Variants in PRDM16 observed in about 807,000 individuals in gnomAD.
PRDM16 encodes PR/SET domain 16, also known as histone-lysine N-methyltransferase PRDM16.
PRDM16 carries 23 observed loss-of-function variants against 110.6 expected under a neutral mutation model. The ratio of observed to expected loss-of-function variants is 0.21; its 90% CI spans 0.15 to 0.29. The LOEUF (loss-of-function observed/expected upper bound fraction) is 0.29, where lower values mean the gene tolerates loss of function less well. Ranked by LOEUF, PRDM16 falls within the 10% of genes least tolerant of loss-of-function variation. PRDM16 has a pLI of 1.00. For missense variants in PRDM16, 1,615 were observed against 1,794.3 expected (o/e 0.90, Z 1.81); for synonymous variants, 799 against 781.8 (o/e 1.02, Z -0.37).
Position 3,186,210 on chromosome 1 carries a change from T to C in PRDM16, c.123T>C (p.Ser41=). ...GCGCGGAGGACGAGGCCGAGGACAG[T>C]GCCATGTCGCCCATCCCCGTGGGGC... The part of the protein sequence containing the change: ...SHSAEDEAED[S]AMSPIPVGPP... Residue 41 remains serine (S), a synonymous_variant, in exon 2 of 17, where the codon AGT becomes AGC. Transcript: ENST00000270722. 1 of 1,612,804 alleles carries C rather than the reference T, an allele frequency of 6.2e-7. No individual in the cohort carries two copies. Among genetic ancestry groups the C allele is most frequent in the South Asian group, 1.1e-5 (1 of 91,060 alleles).
At chr1:3,270,689 G>GTCGGGGAGGACAGTCCCGGAGGAGGACAC (rs1640427583) in intron 3 of PRDM16, among the ~76,000 whole-genome samples, 1 of 146,728 alleles carries the variant, frequency 6.8e-6, no homozygotes, top group East Asian at 2.2e-4. Flanking sequence ...GAGGAGGACA[G>GTCGGGGAGGACAGTCCCGGAGGAGGACAC]TCGGGGAGGA....
chr1:3,249,462 C>CT (rs140819995), intron 3 of PRDM16, among the ~76,000 whole-genome samples: 2,294 of 152,112 alleles, frequency 0.015, 67 homozygotes, highest in African/African-American at 0.053. Flanking sequence ...TTCCCGTTCC[C>CT]TTACCAGCCA....
intron 1 of PRDM16, among the ~76,000 whole-genome samples, chr1:3,088,764 ATATTATTTAT>A (rs1388729076): frequency 5.8e-5 from 8 of 138,886 alleles, no homozygotes; most frequent in African/African-American, 2.7e-5. Flanking sequence ...TATTATTATT[ATATTATTTAT>A]TATTATTTAT....
intron 3 of PRDM16, among the ~76,000 whole-genome samples, chr1:3,324,734 G>A (rs547584207): frequency 4.0e-5 from 6 of 149,926 alleles, no homozygotes; most frequent in South Asian, 2.1e-4. Flanking sequence ...TGATTCCGTC[G>A]TCACCCCCCC....
chr1:3,260,776 A>G (rs57648616), intron 3 of PRDM16, among the ~76,000 whole-genome samples: 2 of 1,038 alleles, frequency 1.9e-3, no homozygotes, highest in African/African-American at 3.4e-3. Context: ...GTGATGAGGG[A>G]GATGATGATG....
Position 3,382,532 on chromosome 1 carries a change from G to A in PRDM16, c.439-2620G>A, listed in dbSNP as rs1643118877. On this transcript the variant is annotated intron_variant, in intron 3 of 16. Transcript: ENST00000270722. The surrounding 1 kb of genome is among the most constrained non-coding windows in gnomAD (Gnocchi z 6.6). ...TGCCCTGAGTCCTGAACAGCAGGGT[G>A]GCCACAGACTCCCCACCAAAGCGAG... is the stretch of plus-strand genomic sequence containing the variant. 6.6e-6 allele frequency among the ~76,000 whole-genome samples: 1 copy of A among 152,210 alleles called. No homozygotes were observed.
intron 2 of PRDM16, among the ~76,000 whole-genome samples, chr1:3,239,368 C>T (rs1223804798): frequency 6.6e-6 from 1 of 152,112 alleles, no homozygotes; most frequent in Non-Finnish European, 1.5e-5. Flanking sequence ...AAGACCTTTG[C>T]TCAGACTGTG....
intron 1 of PRDM16, among the ~76,000 whole-genome samples, chr1:3,158,859 C>T (rs565922404): frequency 4.6e-5 from 7 of 151,544 alleles, no homozygotes; most frequent in Admixed American, 2.0e-4. Context: ...CTGCAACCCC[C>T]GCCTCCTGGG....
At chr1:3,181,307 C>G (rs1644171279) in intron 1 of PRDM16, among the ~76,000 whole-genome samples, 1 of 128,832 alleles carries the variant, frequency 7.8e-6, no homozygotes, top group Non-Finnish European at 1.7e-5. Context: ...GTCTTACACA[C>G]GGTCTTACAC....
intron 2 of PRDM16, among the ~76,000 whole-genome samples, chr1:3,242,202 G>A (rs745306556): frequency 1.3e-5 from 2 of 152,184 alleles, no homozygotes; most frequent in Non-Finnish European, 2.9e-5. Context: ...GGGCCCTCTC[G>A]CTGGTGGTGT....
chr1:3,110,924 T>C (rs973853163), intron 1 of PRDM16, among the ~76,000 whole-genome samples: 4 of 152,044 alleles, frequency 2.6e-5, no homozygotes, highest in Non-Finnish European at 5.9e-5. Flanking sequence ...GGGTGGGGGA[T>C]GGGTCTAAAT....
chr1:3,393,629 G>C (rs1346750189), intron 4 of PRDM16, among the ~76,000 whole-genome samples: 3 of 152,170 alleles, frequency 2.0e-5, no homozygotes, highest in Non-Finnish European at 4.4e-5. Context: ...TCTTTGTCCC[G>C]GGAAGTCGCC....
At chr1:3,398,793 C>T (rs866132545) in intron 5 of PRDM16, among the ~76,000 whole-genome samples, 1 of 152,194 alleles carries the variant, frequency 6.6e-6, no homozygotes, top group African/African-American at 2.4e-5. Flanking sequence ...GATGCTGTAC[C>T]GCGGCCCACG....
chr1:3,085,027 C>G (rs573477156), intron 1 of PRDM16, among the ~76,000 whole-genome samples: 1 of 152,206 alleles, frequency 6.6e-6, no homozygotes, highest in African/African-American at 2.4e-5. Context: ...CAGCATCCAG[C>G]CCCTTTTCCT....
At chr1:3,223,756 GCC>G (rs146792364) in intron 2 of PRDM16, among the ~76,000 whole-genome samples, 3,947 of 152,188 alleles carry the variant, frequency 0.026, 153 homozygotes, top group African/African-American at 0.09. Context: ...CTGGGGATCA[GCC>G]CCCGGAATGG....
chr1:3,317,512 G>A (rs1641638228), intron 3 of PRDM16, among the ~76,000 whole-genome samples: 1 of 151,880 alleles, frequency 6.6e-6, no homozygotes, highest in African/African-American at 2.4e-5. Flanking sequence ...GGGATCTTTG[G>A]GTTTCTAGCA....
chr1:3,273,668 C>T (rs1640513012), intron 3 of PRDM16, among the ~76,000 whole-genome samples: 1 of 151,138 alleles, frequency 6.6e-6, no homozygotes, highest in Admixed American at 6.6e-5. Context: ...TATGAGGGTA[C>T]ATTCCTGTGT....
intron 3 of PRDM16, among the ~76,000 whole-genome samples, chr1:3,263,819 A>G (rs1271283211): frequency 6.6e-6 from 1 of 151,932 alleles, no homozygotes; most frequent in African/African-American, 2.4e-5. Flanking sequence ...TAGAAAAGCG[A>G]CCCCTGGGCA....
intron 14 of PRDM16, among the ~76,000 whole-genome samples, chr1:3,427,016 A>G (rs1198628888): frequency 6.6e-6 from 1 of 152,256 alleles, no homozygotes. Flanking sequence ...ATGCAAGTAC[A>G]TGCACATGGA....
Sources: allele counts gnomAD v4.1 joint callset (sites outside exome capture counted in the v4.1 genomes callset), GRCh38; gene constraint gnomAD v4.1.1; non-coding constraint Gnocchi (gnomAD v3.1); transcripts MANE v1.5; gene names NCBI Gene and HGNC (gene_info 2026-07-23, HGNC 2026-07-21).